The following ERBB4 variants were observed in gnomAD, a reference collection of about 807,000 sequenced individuals.
The protein encoded by ERBB4 is erb-b2 receptor tyrosine kinase 4.
ERBB4 carries 42 observed loss-of-function variants against 158.0 expected under a neutral mutation model. The ratio of observed to expected loss-of-function variants is 0.27; its 90% CI spans 0.21 to 0.34. ERBB4 has a LOEUF of 0.34. Among genes scored for constraint, ERBB4 ranks in the 10% least tolerant of loss-of-function variants. The probability of loss-of-function intolerance (pLI) is 1.00; values close to 1 mark genes in which losing one functional copy is unlikely to be tolerated. For synonymous variants in ERBB4, 583 were observed against 558.7 expected (o/e 1.04, Z -0.61); for missense variants, 1,333 against 1,624.1 (o/e 0.82, Z 3.08).
intron 1 of ERBB4, among the ~76,000 whole-genome samples, chr2:212,412,570 G>A (rs2091529012): frequency 6.6e-6 from 1 of 152,166 alleles, no homozygotes; most frequent in Non-Finnish European, 1.5e-5. Flanking sequence ...GCAGAACTGT[G>A]AACCAATTAA....
intron 16 of ERBB4, among the ~76,000 whole-genome samples, chr2:211,653,480 C>G (rs1056950888): frequency 1.5e-4 from 22 of 147,540 alleles, no homozygotes; most frequent in African/African-American, 2.2e-4. Context: ...CGCACCCGCC[C>G]CCCCCCACGC....
chr2:211,697,793 T>C (rs1375014177), intron 12 of ERBB4, among the ~76,000 whole-genome samples: 3 of 152,216 alleles, frequency 2.0e-5, no homozygotes, highest in Admixed American at 6.5e-5. Flanking sequence ...TTAATTGATT[T>C]AGTATTTTTG....
chr2:212,457,850 G>T (rs1688376568), intron 1 of ERBB4, among the ~76,000 whole-genome samples: 1 of 151,902 alleles, frequency 6.6e-6, no homozygotes, highest in South Asian at 2.1e-4. Flanking sequence ...TGATCTTAAA[G>T]ATCATTTTTA....
At chr2:211,565,382 G>A (rs538927069) in intron 19 of ERBB4, among the ~76,000 whole-genome samples, 5 of 152,214 alleles carry the variant, frequency 3.3e-5, no homozygotes, top group Admixed American at 2.6e-4. Flanking sequence ...GTTAGCATAT[G>A]ATACATAGGC....
chr2:212,470,470 A>G (rs1035003943), intron 1 of ERBB4, among the ~76,000 whole-genome samples: 1 of 152,160 alleles, frequency 6.6e-6, no homozygotes, highest in African/African-American at 2.4e-5. Flanking sequence ...GGCCAATCAG[A>G]GACCTTCTCT....
At chr2:212,253,502 G>A (rs2084616841) in intron 1 of ERBB4, among the ~76,000 whole-genome samples, 3 of 151,880 alleles carry the variant, frequency 2.0e-5, no homozygotes, top group African/African-American at 7.2e-5. Flanking sequence ...AGAATTTCAT[G>A]TTCATAGGAA....
At chr2:211,996,708 G>T (rs1019717055) in intron 2 of ERBB4, among the ~76,000 whole-genome samples, 3 of 152,140 alleles carry the variant, frequency 2.0e-5, no homozygotes, top group Non-Finnish European at 4.4e-5. Context: ...TGGCTTTGCT[G>T]CATGAGTTGT....
intron 19 of ERBB4, among the ~76,000 whole-genome samples, chr2:211,598,066 C>T (rs925990797): frequency 1.3e-5 from 2 of 152,062 alleles, no homozygotes; most frequent in African/African-American, 4.8e-5. Context: ...CTCTAAGGCA[C>T]AATCCACTTT....
chr2:211,863,845 G>C (rs574929391), intron 3 of ERBB4, among the ~76,000 whole-genome samples: 6 of 152,182 alleles, frequency 3.9e-5, no homozygotes, highest in Non-Finnish European at 8.8e-5. Context: ...ACCTATAGGG[G>C]TCTAACATTC....
chr2:211,961,730 A>G (rs921204009), intron 2 of ERBB4, among the ~76,000 whole-genome samples: 41 of 152,292 alleles, frequency 2.7e-4, no homozygotes, highest in African/African-American at 9.1e-4. Context: ...ACAGAGAAAC[A>G]TGGTGAATTT....
At chr2:211,757,162 T>A (rs115097286) in intron 4 of ERBB4, among the ~76,000 whole-genome samples, 1,524 of 152,340 alleles carry the variant, frequency 0.01, 31 homozygotes, top group African/African-American at 0.035. Flanking sequence ...GTCATCTGTT[T>A]ATTTGTATTC....
intron 2 of ERBB4, among the ~76,000 whole-genome samples, chr2:212,091,883 ACTTT>A (rs1308588159): frequency 6.6e-6 from 1 of 152,150 alleles, no homozygotes; most frequent in African/African-American, 2.4e-5. Flanking sequence ...AAAATTTATT[ACTTT>A]TTTTTATTCA....
chr2:212,290,137 T>C (rs550796336), intron 1 of ERBB4, among the ~76,000 whole-genome samples: 1 of 152,278 alleles, frequency 6.6e-6, no homozygotes, highest in East Asian at 1.9e-4. Context: ...AATATTCTCA[T>C]ATTTGTATTC....
intron 1 of ERBB4, among the ~76,000 whole-genome samples, chr2:212,167,044 T>C (rs1177693224): frequency 1.3e-5 from 2 of 152,080 alleles, no homozygotes; most frequent in Admixed American, 6.6e-5. Flanking sequence ...AAAGACTTAA[T>C]GACAAAAACA....
intron 20 of ERBB4, among the ~76,000 whole-genome samples, chr2:211,531,550 A>T (rs997693666): frequency 6.6e-6 from 1 of 152,200 alleles, no homozygotes; most frequent in African/African-American, 2.4e-5. Flanking sequence ...AAACAGTTAC[A>T]TGAAAAGGTG....
intron 14 of ERBB4, among the ~76,000 whole-genome samples, chr2:211,671,238 ACTT>A (rs1318015815): frequency 6.6e-6 from 1 of 152,300 alleles, no homozygotes; most frequent in African/African-American, 2.4e-5. Flanking sequence ...AAATAATGCA[ACTT>A]CTTAATTTTT....
chr2:211,772,955 A>ATATATATATTT (rs1553630145), intron 4 of ERBB4, among the ~76,000 whole-genome samples: 999 of 83,234 alleles, frequency 0.012, 46 homozygotes, highest in East Asian at 0.031. Flanking sequence ...ATATATATAT[A>ATATATATATTT]TTTTTTTTTT....
At chr2:211,806,172 A>G (rs558604862) in intron 3 of ERBB4, among the ~76,000 whole-genome samples, 3 of 152,098 alleles carry the variant, frequency 2.0e-5, no homozygotes, top group Admixed American at 1.3e-4. Flanking sequence ...AAATTTCAGA[A>G]TCTTAAAAAA....
At chr2:212,025,592 G>A (rs1559342140) in intron 2 of ERBB4, among the ~76,000 whole-genome samples, 1 of 151,658 alleles carries the variant, frequency 6.6e-6, no homozygotes, top group Non-Finnish European at 1.5e-5. Flanking sequence ...CCCTGACACA[G>A]TATCATTCAA....
Sources: allele counts gnomAD v4.1 joint callset (sites outside exome capture counted in the v4.1 genomes callset), GRCh38; gene constraint gnomAD v4.1.1; transcripts MANE v1.5; gene names NCBI Gene and HGNC (gene_info 2026-07-23, HGNC 2026-07-21).